Variants in PREX2 observed in about 807,000 individuals in gnomAD.
The protein encoded by PREX2 is phosphatidylinositol-3,4,5-trisphosphate dependent Rac exchange factor 2.
A neutral mutation model predicts 203.2 loss-of-function variants in PREX2; 107 were observed. That is an observed-to-expected ratio of 0.53 (90% CI 0.45 to 0.62). PREX2 has a LOEUF of 0.62. PREX2 is among the 20% of genes least tolerant of loss of function. The probability of loss-of-function intolerance (pLI) is 0.00; values close to 1 mark genes in which losing one functional copy is unlikely to be tolerated. For synonymous variants in PREX2, 672 were observed against 663.6 expected, an observed-to-expected ratio of 1.01 and a Z score of -0.19; for missense variants, 1,777 against 1,955.9, an observed-to-expected ratio of 0.91 and a Z score of 1.72.
intron 29 of PREX2, 64 bp downstream of exon 29, chr8:68,120,350 C>A: frequency 3.6e-6 from 4 of 1,104,772 alleles, no homozygotes; most frequent in South Asian, 2.5e-5. Context: ...ACAATATAGT[C>A]ATGAAGCAAG....
At position 68,069,863 on chromosome 8, in the gene PREX2, G is replaced by C; in HGVS notation, c.1472G>C (p.Ser491Thr). 1 of 1,555,754 alleles carries C rather than the reference G, an allele frequency of 6.4e-7. No homozygotes were observed. The highest frequency in any genetic ancestry group is 8.8e-7 in the Non-Finnish European group (1 of 1,136,728). Reference protein sequence around the residue: ...KGVRLYCRLHSLFTPVIRDKD... With the variant: ...KGVRLYCRLHTLFTPVIRDKD... Reference sequence around the variant, plus strand: ...GTAAGATTATATTGTCGTCTTCATAGCCTTTTTACTCCAGTGATAAGGTGA... The same window carrying C: ...GTAAGATTATATTGTCGTCTTCATACCCTTTTTACTCCAGTGATAAGGTGA... The change falls in exon 13 of 40, where the codon AGC becomes ACC. Residue 491 changes from serine to threonine, a missense_variant. Physicochemically the swap from Ser to Thr is moderately conservative, Grantham distance 58 (BLOSUM62 1). Coordinates refer to ENST00000288368, the MANE Select transcript of PREX2 (RefSeq NM_024870.4).
chr8:68,084,232 CATAATATATCA>C (rs1809615870), intron 18 of PREX2, among the ~76,000 whole-genome samples: 2 of 151,994 alleles, frequency 1.3e-5, no homozygotes, highest in Non-Finnish European at 2.9e-5. Context: ...AACTATTTAG[CATAATATATCA>C]AAATTATTGT....
chr8:68,231,059 G>A (rs538828143), intron 39 of PREX2, among the ~76,000 whole-genome samples: 3 of 152,204 alleles, frequency 2.0e-5, no homozygotes, highest in South Asian at 2.1e-4. Context: ...CAGCCTGGGC[G>A]GTTGGCACTG....
intron 35 of PREX2, among the ~76,000 whole-genome samples, chr8:68,189,819 G>A (rs1420495142): frequency 6.6e-6 from 1 of 152,154 alleles, no homozygotes; most frequent in Non-Finnish European, 1.5e-5. Context: ...GTTATAATGA[G>A]TAACAGCCAA....
rs147518479 is a variant in PREX2, at chr8:68,020,096, T to C, written c.336+425T>C. On this transcript the variant is annotated intron_variant, in intron 3 of 39. Coordinates refer to ENST00000288368, the MANE Select transcript of PREX2 (RefSeq NM_024870.4). Reference sequence around the variant, plus strand: ...AATCAACTTGTGACAAACCTGGAGTTGAATAAACCCAGTAGCAGGAATTTT... The same window carrying C: ...AATCAACTTGTGACAAACCTGGAGTCGAATAAACCCAGTAGCAGGAATTTT... Among the ~76,000 whole-genome samples, 1,359 of 150,274 alleles carry C rather than the reference T, an allele frequency of 9.0e-3. 12 individuals carry two copies. Among genetic ancestry groups the C allele is most frequent in the African/African-American group, 0.028 (1,125 of 40,308 alleles).
chr8:68,128,650 C>T (rs1419462080), intron 31 of PREX2, among the ~76,000 whole-genome samples: 1 of 152,156 alleles, frequency 6.6e-6, no homozygotes, highest in Non-Finnish European at 1.5e-5. Flanking sequence ...TTCTTGTTCA[C>T]ATGGTGGATT....
At chr8:67,984,336 G>A (rs1355865279) in intron 1 of PREX2, among the ~76,000 whole-genome samples, 1 of 152,226 alleles carries the variant, frequency 6.6e-6, no homozygotes, top group East Asian at 1.9e-4. Context: ...CTAGCTCAGT[G>A]CCTGGCACAT....
chr8:68,168,404 A>C (rs527912376), intron 35 of PREX2, among the ~76,000 whole-genome samples: 25 of 152,360 alleles, frequency 1.6e-4, no homozygotes, highest in African/African-American at 4.3e-4. Flanking sequence ...TACTTTATTA[A>C]GAAAATAGCA....
At chr8:68,027,423 G>A in intron 5 of PREX2, 100 bp downstream of exon 5, 1 of 784,900 alleles carries the variant, frequency 1.3e-6, no homozygotes, top group Non-Finnish European at 2.2e-6. Flanking sequence ...ATATTCTAAA[G>A]GAAGCGTAGA....
chr8:68,079,249 G>T (rs1002132551), intron 15 of PREX2, among the ~76,000 whole-genome samples: 1 of 152,086 alleles, frequency 6.6e-6, no homozygotes, highest in East Asian at 1.9e-4. Context: ...TGATAGTTTC[G>T]TTTGTTAACT....
At chr8:68,099,530 CA>C in intron 22 of PREX2, 151 bp from the exon 23 acceptor site, 1 of 670,610 alleles carries the variant, frequency 1.5e-6, no homozygotes, top group Non-Finnish European at 2.4e-6. Flanking sequence ...ACCCAGAGAA[CA>C]AAATAGGAAA....
rs1046268902 is a variant in PREX2, at chr8:68,079,217, C to T, written c.1643-1226C>T. ...CACTTCTGTTGCTAATTATGGCTTC[C>T]GTTGTTTTTCAAATTTGTGGTTGAT... On this transcript the variant is annotated intron_variant, in intron 15 of 39. Coordinates refer to ENST00000288368, the MANE Select transcript of PREX2 (RefSeq NM_024870.4). Among the ~76,000 whole-genome samples the T allele has an allele frequency of 4.6e-5, 7 of 152,084 alleles. No individual in the cohort carries two copies. The South Asian group carries it at 8.3e-4, about 18-fold the overall frequency.
intron 8 of PREX2, among the ~76,000 whole-genome samples, chr8:68,051,198 A>G (rs6472372): frequency 0.59 from 89,623 of 151,822 alleles, 28,422 homozygotes; most frequent in African/African-American, 0.83. Context: ...GCATGACTTG[A>G]ATGATTTTGG....
intron 1 of PREX2, among the ~76,000 whole-genome samples, chr8:68,010,741 A>G (rs1021246515): frequency 2.6e-5 from 4 of 152,162 alleles, no homozygotes; most frequent in African/African-American, 7.2e-5. Flanking sequence ...CTGTATCTGT[A>G]TGTGTTTGAG....
At chr8:68,147,761 A>G (rs1368373274) in intron 34 of PREX2, among the ~76,000 whole-genome samples, 10 of 152,246 alleles carry the variant, frequency 6.6e-5, no homozygotes, top group Admixed American at 6.5e-4. Context: ...ACATTTTAAC[A>G]GATGAAGATT....
intron 1 of PREX2, among the ~76,000 whole-genome samples, chr8:67,977,390 T>A (rs1806139947): frequency 6.6e-6 from 1 of 152,246 alleles, no homozygotes. Context: ...CAGTGACAGA[T>A]AACTGAAACA....
rs1310050596 is a variant in PREX2, at chr8:68,235,094, G to C, written c.*3716G>C. 1 of 152,074 alleles carries C rather than the reference G, an allele frequency of 6.6e-6. No homozygotes were observed. Among genetic ancestry groups the C allele is most frequent in the Non-Finnish European group, 1.5e-5 (1 of 67,992 alleles). 9.4% of individuals were successfully genotyped at this position (152,074 alleles called of 1,614,324 possible). A position where few individuals can be genotyped will look rare whatever the true frequency, so the allele number is the denominator to read the frequency against. On this transcript the variant is annotated 3_prime_UTR_variant, in exon 40 of 40. Transcript: ENST00000288368. ...TTGAGAGTAAATGACTCTGTGTTTTGAAACTAATACCTTTGCATTTAAAAT... is the reference window on the plus strand; with the variant it reads ...TTGAGAGTAAATGACTCTGTGTTTTCAAACTAATACCTTTGCATTTAAAAT...
At chr8:68,000,060 C>G (rs1327239481) in intron 1 of PREX2, among the ~76,000 whole-genome samples, 1 of 152,158 alleles carries the variant, frequency 6.6e-6, no homozygotes. Flanking sequence ...TGGCACAAGA[C>G]AAGGATGCCC....
chr8:68,084,999 A>G (rs1444068340), intron 18 of PREX2, among the ~76,000 whole-genome samples: 1 of 152,204 alleles, frequency 6.6e-6, no homozygotes, highest in Non-Finnish European at 1.5e-5. Context: ...CTAGATGAGC[A>G]GAATAGCAAT....
Sources: gnomAD v4.1 joint callset for allele counts (sites outside exome capture counted in the v4.1 genomes callset) on GRCh38, gnomAD v4.1.1 for gene constraint, MANE v1.5 for transcripts, NCBI Gene and HGNC (gene_info 2026-07-23, HGNC 2026-07-21) for gene names.